The following TIAM2 variants were observed in gnomAD, a reference collection of about 807,000 sequenced individuals.
TIAM2 encodes the protein rho guanine nucleotide exchange factor TIAM2.
TIAM2 carries 80 observed loss-of-function variants against 152.9 expected under a neutral mutation model. The ratio of observed to expected loss-of-function variants is 0.52; its 90% CI spans 0.44 to 0.63. The LOEUF is 0.63. TIAM2 is among the 30% of genes least tolerant of loss of function. The pLI, the probability that TIAM2 is intolerant of heterozygous loss-of-function variation, is 0.00. For synonymous variants in TIAM2, 804 were observed against 838.0 expected, an observed-to-expected ratio of 0.96 and a Z score of 0.70; for missense variants, 1,965 against 2,120.1, an observed-to-expected ratio of 0.93 and a Z score of 1.44.
At chr6:155,169,312 G>A (rs557562693) in intron 9 of TIAM2, among the ~76,000 whole-genome samples, 1 of 152,282 alleles carries the variant, frequency 6.6e-6, no homozygotes, top group Admixed American at 6.5e-5. Flanking sequence ...TAACTTAAGC[G>A]AGGAATGCTG....
chr6:155,059,282 CTGTGTGTGTGTCTGTGTGTGTGTG>C (rs1230423544), intron 1 of TIAM2, among the ~76,000 whole-genome samples: 13 of 144,152 alleles, frequency 9.0e-5, no homozygotes, highest in South Asian at 2.3e-4. Flanking sequence ...ATGTCCCTTT[CTGTGTGTGTGTCTGTGTGTGTGTG>C]TGTGTGTGTG....
At chr6:155,127,462 A>C (rs2115034326) in intron 2 of TIAM2, 28 bp from the exon 3 acceptor site, 1 of 426,054 alleles carries the variant, frequency 2.3e-6, no homozygotes, top group Non-Finnish European at 4.7e-6. Context: ...AACGCTTCAC[A>C]GAGTTTTCTT....
rs558092357 is a variant in TIAM2, at chr6:155,252,631, G to A, written c.4120-317G>A. Among the ~76,000 whole-genome samples the A allele has an allele frequency of 2.0e-5, 3 of 152,240 alleles. No homozygotes were observed. In the East Asian group the frequency reaches 5.8e-4, roughly 29 times the overall value. On this transcript the variant is annotated intron_variant, in intron 23 of 26. Transcript: ENST00000682666. The stretch of plus-strand genomic sequence containing the variant: ...GCCTTTTACCTTCACTCAGAAAAAA[G>A]CAAAGCCTAGCTGTGGATACCATAT...
intron 2 of TIAM2, among the ~76,000 whole-genome samples, chr6:155,125,100 G>A (rs529093206): frequency 1.9e-3 from 294 of 151,944 alleles, no homozygotes; most frequent in Admixed American, 3.4e-3. Context: ...GTGAAACCCC[G>A]TCTCTACTAA....
intron 4 of TIAM2, 28 bp from the exon 5 acceptor site, chr6:155,137,149 G>T: frequency 6.2e-7 from 1 of 1,602,902 alleles, no homozygotes; most frequent in Non-Finnish European, 8.5e-7. Context: ...CGTAAGCTCT[G>T]ATGGGTGATC....
intron 1 of TIAM2, among the ~76,000 whole-genome samples, chr6:155,027,651 CTG>C (rs1354169042): frequency 3.8e-4 from 3 of 7,980 alleles, no homozygotes; most frequent in South Asian, 6.6e-3. Context: ...AATATATGTA[CTG>C]TGTTACATAT....
At chr6:155,125,557 G>A (rs1434579538) in intron 2 of TIAM2, among the ~76,000 whole-genome samples, 1 of 152,090 alleles carries the variant, frequency 6.6e-6, no homozygotes, top group Non-Finnish European at 1.5e-5. Flanking sequence ...TTAAAAATAG[G>A]GCTGGGCGCG....
At chr6:155,249,738 G>C (rs1783538676) in intron 20 of TIAM2, 113 bp from the exon 21 acceptor site, 1 of 779,088 alleles carries the variant, frequency 1.3e-6, no homozygotes, top group Admixed American at 2.7e-5. Context: ...GCTCCTGCTA[G>C]TGGGTACTGG....
chr6:155,163,391 T>G (rs966700691), intron 7 of TIAM2, among the ~76,000 whole-genome samples: 8 of 152,224 alleles, frequency 5.3e-5, no homozygotes, highest in African/African-American at 1.9e-4. Context: ...TATCTTTGCA[T>G]GAAGGTAATA....
intron 16 of TIAM2, 31 bp from the exon 17 acceptor site, chr6:155,243,980 G>T (rs140223450): frequency 1.9e-6 from 3 of 1,601,852 alleles, no homozygotes; most frequent in East Asian, 4.5e-5. Context: ...AGACTAAAGC[G>T]TTGAAGACAC....
chr6:155,256,365 C>G, intron 26 of TIAM2, 119 bp from the exon 27 acceptor site: 9 of 1,438,974 alleles, frequency 6.3e-6, no homozygotes, highest in Non-Finnish European at 7.5e-6. Flanking sequence ...TAGTTGCTAA[C>G]TGAAGTCATA....
At chr6:155,021,135 AG>A in intron 1 of TIAM2, among the ~76,000 whole-genome samples, 2 of 152,280 alleles carry the variant, frequency 1.3e-5, no homozygotes, top group South Asian at 4.1e-4. Flanking sequence ...ATTGGTCCAC[AG>A]ACATTTGGGT....
In TIAM2 at chr6:155,257,111, G is replaced by GAAAATCAT; in HGVS notation, c.5098_5105dup (p.Ter1702=). The GAAAATCAT allele has an allele frequency of 6.4e-7, 1 of 1,557,090 alleles. No homozygotes were observed. Among genetic ancestry groups the GAAAATCAT allele is most frequent in the Non-Finnish European group, 8.7e-7 (1 of 1,144,802 alleles). On this transcript the variant is annotated frameshift_variant, in exon 27 of 27. Coordinates refer to ENST00000682666, the MANE Select transcript of TIAM2 (RefSeq NM_012454.4). LOFTEE classifies it high-confidence loss of function. ...TGTTTTTATGAAACAGAGAGCCACG[G>GAAAATCAT]AAAATCATAGTATGATTCAATCCAG...
Position 155,151,804 on chromosome 6 carries a change from T to C in TIAM2, c.2028+3470T>C, listed in dbSNP as rs569130312. On this transcript the variant is annotated intron_variant, in intron 7 of 26. Transcript: ENST00000682666. ...CATGGAAAATGTATAACAGGGTACA[T>C]AATTTTCTGTAATTCTATAGAATCT... Among the ~76,000 whole-genome samples, 3 of 151,622 alleles carry C rather than the reference T, an allele frequency of 2.0e-5. 1 individual carries two copies. The highest frequency in any genetic ancestry group is 2.0e-4 in the Admixed American group (3 of 15,196).
rs369646154 is a variant in TIAM2 at position 155,129,718 on chromosome 6, G to T, written c.495G>T (p.Thr165=). ...AGAGCCCCCGAGTGCTCATCAAAAC[G>T]CTGGGGAAGCTGGATGGGTGTTTAA... ...DRKSPRVLIK[T]LGKLDGCLRV... is the part of the protein sequence containing the mutation. The change falls in exon 4 of 27, where the codon ACG becomes ACT. Residue 165 remains threonine (T), a synonymous_variant. Transcript: ENST00000682666. This position sits in a 1 kb window ranked among gnomAD's most constrained non-coding sequence, Gnocchi z 4.8. The T allele has an allele frequency of 2.5e-6, 4 of 1,613,856 alleles. No homozygotes were observed. The highest frequency in any genetic ancestry group is 3.4e-6 in the Non-Finnish European group (4 of 1,180,020).
At chr6:155,104,050 C>CCCCACACACA (rs1778617598) in intron 2 of TIAM2, among the ~76,000 whole-genome samples, 7 of 87,598 alleles carry the variant, frequency 8.0e-5, no homozygotes, top group African/African-American at 4.0e-4. Context: ...ACCCCCCCCC[C>CCCCACACACA]CACACCCCCA....
At chr6:155,159,691 G>A (rs528369966) in intron 7 of TIAM2, among the ~76,000 whole-genome samples, 1 of 152,034 alleles carries the variant, frequency 6.6e-6, no homozygotes, top group Admixed American at 6.6e-5. Context: ...CTGAATCAGG[G>A]GCCTCACCGT....
chr6:155,095,734 T>G (rs1583187279), intron 2 of TIAM2, among the ~76,000 whole-genome samples: 1 of 152,206 alleles, frequency 6.6e-6, no homozygotes, highest in Non-Finnish European at 1.5e-5. Flanking sequence ...ATTAAACTTA[T>G]TAGGAATCTT....
intron 14 of TIAM2, 152 bp from the exon 15 acceptor site, chr6:155,211,052 C>T (rs973318296): frequency 2.1e-5 from 11 of 521,960 alleles, no homozygotes; most frequent in African/African-American, 3.9e-5. Context: ...CATCTGTATG[C>T]GTAATTGTAA....
Sources: gnomAD v4.1 joint callset for allele counts (sites outside exome capture counted in the v4.1 genomes callset) on GRCh38, gnomAD v4.1.1 for gene constraint, Gnocchi (gnomAD v3.1) non-coding constraint, MANE v1.5 for transcripts, NCBI Gene and HGNC (gene_info 2026-07-23, HGNC 2026-07-21) for gene names.